Variants in NLRP12 observed in about 807,000 individuals in gnomAD.
NLRP12 encodes NLR family pyrin domain containing 12.
Under a neutral mutation model 91.2 loss-of-function variants are expected in NLRP12, and 108 were observed. The observed-to-expected ratio is 1.18, with a 90% CI of 1.01 to 1.39. The LOEUF (loss-of-function observed/expected upper bound fraction) is 1.39, where lower values mean the gene tolerates loss of function less well. Among genes scored for constraint, NLRP12 ranks in the 40% most tolerant of loss-of-function variants. The pLI is 0.00. For missense variants in NLRP12, 1,530 were observed against 1,352.7 expected (o/e 1.13, Z -2.06); for synonymous variants, 613 against 566.7 (o/e 1.08, Z -1.16).
chr19:53,820,039 T>C (rs1309193035), intron 1 of NLRP12, among the ~76,000 whole-genome samples: 4 of 152,122 alleles, frequency 2.6e-5, no homozygotes, highest in African/African-American at 7.2e-5. Flanking sequence ...CATTAAGCTT[T>C]GCAGAAGTGA....
At position 53,801,361 on chromosome 19, in the gene NLRP12, G is replaced by C. The variant is rs368897676; in HGVS notation, c.2622C>G (p.Asp874Glu). The change falls in exon 7 of 10, where the codon GAC (aspartate) becomes GAG (glutamate). Residue 874 changes from aspartate (D) to glutamate (E), a missense_variant. Coordinates refer to ENST00000324134, the MANE Select transcript of NLRP12 (RefSeq NM_144687.4). Reference protein sequence around the residue: ...KICRLTAAACDELASTLSVNQ... With the variant: ...KICRLTAAACEELASTLSVNQ... ...TCACACTGAGAGTTGAGGCCAGCTC[G>C]TCACAGGCAGCAGCAGTGAGGCGGC... The C allele has an allele frequency of 6.2e-7, 1 of 1,613,684 alleles. No homozygotes were observed. Among genetic ancestry groups the C allele is most frequent in the South Asian group, 1.1e-5 (1 of 91,074 alleles).
Position 53,795,867 on chromosome 19 carries a change from T to C in NLRP12, c.3090A>G (p.Arg1030=). ...TGGTCATCATCCCTCACCAGAGGAC[T>C]CGGAGTTTGCAGCCAGGATGGCTCA... ...KRLSHPGCKL[R]VLWLFGMDLN... Residue 1030 remains arginine, a synonymous_variant, in exon 9 of 10, where the codon CGA becomes CGG. Transcript: ENST00000324134. 2 of 1,614,056 alleles carry C rather than the reference T, an allele frequency of 1.2e-6. No homozygotes were observed. The highest frequency in any genetic ancestry group is 1.7e-6 in the Non-Finnish European group (2 of 1,179,924).
At chr19:53,823,353 T>C (rs2092288772) in intron 1 of NLRP12, among the ~76,000 whole-genome samples, 2 of 136,844 alleles carry the variant, frequency 1.5e-5, no homozygotes, top group South Asian at 4.3e-4. Context: ...ATATATACCA[T>C]ATTTAATATA....
chr19:53,807,442 A>C, intron 4 of NLRP12, 53 bp downstream of exon 4: 2 of 1,566,262 alleles, frequency 1.3e-6, no homozygotes, highest in Non-Finnish European at 1.7e-6. Context: ...ACTGATCCCC[A>C]TGAGAGGCCA....
chr19:53,805,130 C>T, intron 5 of NLRP12, 150 bp downstream of exon 5: 1 of 777,546 alleles, frequency 1.3e-6, no homozygotes, highest in African/African-American at 1.7e-5. Flanking sequence ...TTCCAAAGTG[C>T]CTAGAGTCCA....
rs2091865173 is a variant in NLRP12 at position 53,801,261 on chromosome 19, G to T, written c.2722C>A (p.Leu908Ile). 1.9e-6 allele frequency: 3 copies of T among 1,613,844 alleles called. No individual in the cohort carries two copies. The East Asian group carries it at 6.7e-5, about 36-fold the overall frequency. The change falls in exon 7 of 10, where the codon CTC becomes ATC. Residue 908 changes from leucine to isoleucine, a missense_variant. By Grantham distance (5) the Leu-to-Ile change is conservative. Coordinates refer to ENST00000324134, the MANE Select transcript of NLRP12 (RefSeq NM_144687.4). ...DLGVLLLCEG[L>I]RHPTCKLQTL... Reference sequence around the variant, plus strand: ...TGGAGCTTGCACGTGGGATGCCTGAGGCCCTCACACAGCAGCAGCACCCCG... The same window carrying T: ...TGGAGCTTGCACGTGGGATGCCTGATGCCCTCACACAGCAGCAGCACCCCG...
chr19:53,800,642 G>T (rs2091853523), intron 7 of NLRP12, among the ~76,000 whole-genome samples: 1 of 151,736 alleles, frequency 6.6e-6, no homozygotes, highest in Non-Finnish European at 1.5e-5. Flanking sequence ...GAGTGCAATG[G>T]CTCCATCTCA....
chr19:53,805,836 T>C, intron 4 of NLRP12: 1 of 288,492 alleles, frequency 3.5e-6, no homozygotes, highest in Non-Finnish European at 6.8e-6. Flanking sequence ...TATTTCAAAA[T>C]ATCATGTTAT....
intron 7 of NLRP12, among the ~76,000 whole-genome samples, chr19:53,798,827 C>T (rs1176834468): frequency 1.3e-5 from 2 of 152,048 alleles, no homozygotes; most frequent in South Asian, 2.1e-4. Context: ...CTGCAACCTC[C>T]ACCTCACAAG....
chr19:53,820,823 G>A (rs1485682043), intron 1 of NLRP12, among the ~76,000 whole-genome samples: 1 of 150,756 alleles, frequency 6.6e-6, no homozygotes. Flanking sequence ...GAGTAGCTGG[G>A]ACTACAGGCG....
chr19:53,811,925 A>G (rs2092083221), intron 2 of NLRP12, among the ~76,000 whole-genome samples: 1 of 152,086 alleles, frequency 6.6e-6, no homozygotes, highest in Admixed American at 6.6e-5. Context: ...TAGTGCAGAC[A>G]TGAATCTGCC....
At chr19:53,807,382 T>A (rs1331554173) in intron 4 of NLRP12, 113 bp downstream of exon 4, 1 of 1,100,494 alleles carries the variant, frequency 9.1e-7, no homozygotes, top group African/African-American at 1.6e-5. Context: ...GACACTTTTT[T>A]ATGGCAGCCG....
At position 53,810,109 on chromosome 19, in the gene NLRP12, A is replaced by G. The variant is rs746890522; in HGVS notation, c.1550T>C (p.Phe517Ser). 40 of 1,614,048 alleles carry G rather than the reference A, an allele frequency of 2.5e-5. No homozygotes were observed. Among genetic ancestry groups the G allele is most frequent in the Non-Finnish European group, 3.2e-5 (38 of 1,180,036 alleles). The change falls in exon 3 of 10, where the codon TTC becomes TCC. Residue 517 changes from phenylalanine to serine, a missense_variant. By Grantham distance (155) the Phe-to-Ser change is radical. Coordinates refer to ENST00000324134, the MANE Select transcript of NLRP12 (RefSeq NM_144687.4). ...GTACATAGCTGCAAAGAATTCCTGG[A>G]AACTCAAGTGGATGAAGCTGTAGTA... Reference protein sequence around the residue: ...ERYYSFIHLSFQEFFAAMYYI... With the variant: ...ERYYSFIHLSSQEFFAAMYYI...
intron 7 of NLRP12, among the ~76,000 whole-genome samples, chr19:53,800,616 C>G (rs2091853062): frequency 6.6e-6 from 1 of 150,988 alleles, no homozygotes; most frequent in African/African-American, 2.4e-5. Flanking sequence ...GAGTTTCGCT[C>G]TTGTTGCCCA....
At chr19:53,811,335 C>G in intron 2 of NLRP12, 47 bp from the exon 3 acceptor site, 1 of 1,607,638 alleles carries the variant, frequency 6.2e-7, no homozygotes, top group East Asian at 2.2e-5. Flanking sequence ...TCAGCAGCCT[C>G]TAATGAGTTC....
rs59179749 is a variant in NLRP12 at position 53,815,225 on chromosome 19, C to CTTTTTTT, written c.290-244_290-238dup. 1.2e-3 allele frequency among the ~76,000 whole-genome samples: 119 copies of CTTTTTTT among 96,972 alleles called. 6 individuals are homozygous for CTTTTTTT. Among genetic ancestry groups the CTTTTTTT allele is most frequent in the Non-Finnish European group, 1.5e-3 (79 of 52,310 alleles). The allele number at this position is 96,972 out of a possible 152,430, so 63.6% of individuals were successfully genotyped here. ...TGGCACCTCCATCCATCCAATCAGT[C>CTTTTTTT]TTTTTTTTTTTTTTTTTTTTTGAGA... On this transcript the variant is annotated intron_variant, in intron 1 of 9. Coordinates refer to ENST00000324134, the MANE Select transcript of NLRP12 (RefSeq NM_144687.4).
chr19:53,815,353 C>T (rs1185179621), intron 1 of NLRP12, among the ~76,000 whole-genome samples: 17 of 149,934 alleles, frequency 1.1e-4, no homozygotes, highest in African/African-American at 3.2e-4. Context: ...CTCAGCCTCA[C>T]GAGTAGCTGG....
chr19:53,806,070 C>T (rs2091953841), intron 4 of NLRP12, among the ~76,000 whole-genome samples: 1 of 150,790 alleles, frequency 6.6e-6, no homozygotes, highest in Non-Finnish European at 1.5e-5. Context: ...CCCATTTCTA[C>T]TATAAACACA....
Position 53,819,455 on chromosome 19 carries a change from A to ATGTGTGTGTGTG in NLRP12, c.289+4430_289+4431insCACACACACACA, listed in dbSNP as rs1387933382. 5.5e-4 allele frequency among the ~76,000 whole-genome samples: 3 copies of ATGTGTGTGTGTG among 5,408 alleles called. 1 individual carries two copies. The highest frequency in any genetic ancestry group is 1.1e-3 in the Non-Finnish European group (3 of 2,652). The allele number at this position is 5,408 out of a possible 152,430, so 3.5% of individuals were successfully genotyped here. The stretch of plus-strand genomic sequence containing the variant: ...TATATATATATATATATATATATAT[A>ATGTGTGTGTGTG]TATGTGTGTGTGTGTGTGTGTGTGT... On this transcript the variant is annotated intron_variant, in intron 1 of 9. Transcript: ENST00000324134.
Sources: allele counts gnomAD v4.1 joint callset (sites outside exome capture counted in the v4.1 genomes callset), GRCh38; gene constraint gnomAD v4.1.1; transcripts MANE v1.5; gene names NCBI Gene and HGNC (gene_info 2026-07-23, HGNC 2026-07-21).